The following STING1 variants were observed in gnomAD, a reference collection of about 807,000 sequenced individuals.
The protein encoded by STING1 is stimulator of interferon genes protein.
In STING1, 19 loss-of-function variants were observed where a neutral mutation model predicts 31.6. The ratio of observed to expected loss-of-function variants is 0.60; its 90% confidence interval spans 0.42 to 0.88. The LOEUF is 0.88. STING1 is among the 40% of genes least tolerant of loss of function. The probability of loss-of-function intolerance (pLI) is 0.00; values close to 1 mark genes in which losing one functional copy is unlikely to be tolerated. For missense variants in STING1, 371 were observed against 483.7 expected (o/e 0.77, Z 2.19); for synonymous variants, 200 against 208.6 (o/e 0.96, Z 0.35).
chr5:139,478,002 T>C (rs1240615155), intron 6 of STING1, among the ~76,000 whole-genome samples: 1 of 152,206 alleles, frequency 6.6e-6, no homozygotes, highest in Non-Finnish European at 1.5e-5. Context: ...AAAGTGGGAA[T>C]GCTAACAGTC....
chr5:139,478,124 A>G lies in STING1; in HGVS notation c.759+146T>C, dbSNP rs1039543313. ...TAAATGTTACTCATCATTATCATTC[A>G]GAGCTGAATCCTGCCCAGACCTGGG... On this transcript the variant is annotated intron_variant, in intron 6 of 7. Transcript: ENST00000330794. The G allele has an allele frequency of 5.9e-6, 4 of 677,132 alleles. No homozygotes were observed. In the African/African-American group the frequency reaches 7.1e-5, roughly 12 times the overall value. The allele number at this position is 677,132 out of a possible 1,614,324, so 41.9% of individuals were successfully genotyped here. A position where few individuals can be genotyped will look rare whatever the true frequency, so the allele number is the denominator to read the frequency against.
At position 139,475,951 on chromosome 5, in the gene STING1, C is replaced by CA. The variant is rs1415709006; in HGVS notation, c.*309dup. The CA allele has an allele frequency of 8.4e-6, 2 of 237,564 alleles. No homozygotes were observed. The highest frequency in any genetic ancestry group is 4.5e-5 in the African/African-American group (2 of 44,914). The allele number at this position is 237,564 out of a possible 1,614,324, so 14.7% of individuals were successfully genotyped here. Reference sequence around the variant, plus strand: ...GGAAGGCCCCATGAAAGACACCTGGCACACCCCCTAAGTACACTAGCATCC... The same window carrying CA: ...GGAAGGCCCCATGAAAGACACCTGGCAACACCCCCTAAGTACACTAGCATCC... On this transcript the variant is annotated 3_prime_UTR_variant, in exon 8 of 8. Transcript: ENST00000330794.
rs1372817633 is a variant in STING1 at position 139,481,430 on chromosome 5, G to GAGTGAC, written c.227+42_227+47dup. The GAGTGAC allele has an allele frequency of 1.3e-6, 2 of 1,599,290 alleles. No individual in the cohort carries two copies. The highest frequency in any genetic ancestry group is 1.7e-6 in the Non-Finnish European group (2 of 1,170,262). The stretch of plus-strand genomic sequence containing the variant: ...GGAGGGGCAGGGCTAGGCATCAAGG[G>GAGTGAC]AGTGACACACGTTGGATACCCCGTC... On this transcript the variant is annotated intron_variant, in intron 3 of 7. Coordinates refer to ENST00000330794, the MANE Select transcript of STING1 (RefSeq NM_198282.4). The surrounding 1 kb of genome is among the most constrained non-coding windows in gnomAD (Gnocchi z 4.1).
Position 139,481,825 on chromosome 5 carries a change from G to A in STING1, c.1-121C>T. The A allele has an allele frequency of 1.2e-6, 1 of 810,138 alleles. No homozygotes were observed. The highest frequency in any genetic ancestry group is 2.7e-5 in the East Asian group (1 of 36,958). The allele number at this position is 810,138 out of a possible 1,614,324, so 50.2% of individuals were successfully genotyped here. A position where few individuals can be genotyped will look rare whatever the true frequency, so the allele number is the denominator to read the frequency against. On this transcript the variant is annotated intron_variant, in intron 2 of 7. Transcript: ENST00000330794. This position sits in a 1 kb window ranked among gnomAD's most constrained non-coding sequence, Gnocchi z 4.1. ...TCCCTGGTGCCCAGCCACTCCCAGA[G>A]GCTGCTCTTAGAGACACCTCTAGGA... is the stretch of plus-strand genomic sequence containing the variant.
rs1282451703 is a variant in STING1 at position 139,481,696 on chromosome 5, G to A, written c.9C>T (p.His3=). MP[H]SSLHPSIPCP... The stretch of plus-strand genomic sequence containing the variant: ...ACGGGATGGATGGATGCAGGCTGGA[G>A]TGGGGCATCTGTGGGCACCAAGAAA... The change falls in exon 3 of 8, where the codon CAC becomes CAT. Residue 3 remains histidine (H), a synonymous_variant. Coordinates refer to ENST00000330794, the MANE Select transcript of STING1 (RefSeq NM_198282.4). This position sits in a 1 kb window ranked among gnomAD's most constrained non-coding sequence, Gnocchi z 4.1. 2 of 1,599,832 alleles carry A rather than the reference G, an allele frequency of 1.3e-6. No homozygotes were observed. The highest frequency in any genetic ancestry group is 1.1e-5 in the South Asian group (1 of 90,808).
In STING1 at chr5:139,476,069, C is replaced by T. The variant is rs901458440; in HGVS notation, c.*192G>A. The T allele has an allele frequency of 4.3e-5, 24 of 558,138 alleles. No individual in the cohort carries two copies. Among genetic ancestry groups the T allele is most frequent in the Admixed American group, 1.2e-4 (4 of 33,236 alleles). The allele number at this position is 558,138 out of a possible 1,614,324, so 34.6% of individuals were successfully genotyped here. ...ATGATCCCATTTCACAGGTTGAAGA[C>T]ACCGAGGCTCAGAGAGGGGAAATGA... On this transcript the variant is annotated 3_prime_UTR_variant, in exon 8 of 8. Coordinates refer to ENST00000330794, the MANE Select transcript of STING1 (RefSeq NM_198282.4).
At position 139,478,376 on chromosome 5, in the gene STING1, T is replaced by C. The variant is rs769013090; in HGVS notation, c.653A>G (p.Asn218Ser). 30 of 1,614,094 alleles carry C rather than the reference T, an allele frequency of 1.9e-5. No individual in the cohort carries two copies. The highest frequency in any genetic ancestry group is 2.5e-5 in the Non-Finnish European group (29 of 1,180,040). The stretch of plus-strand genomic sequence containing the variant: ...GGGCAGTTTATCCAGGAAGCGAATG[T>C]TGGGGTCAGCCATACTCAGGTTATC... ...VPDNLSMADP[N>S]IRFLDKLPQQ... is the part of the protein sequence containing the mutation. The change falls in exon 6 of 8, where the codon AAC (asparagine) becomes AGC (serine). Residue 218 changes from asparagine to serine, a missense_variant. Asn to Ser is a conservative substitution (Grantham distance 46). Transcript: ENST00000330794.
Position 139,481,641 on chromosome 5 carries a change from C to T in STING1, c.64G>A (p.Ala22Thr). 6.2e-7 allele frequency: 1 copy of T among 1,612,502 alleles called. No homozygotes were observed. Among genetic ancestry groups the T allele is most frequent in the Admixed American group, 1.7e-5 (1 of 59,988 alleles). The change falls in exon 3 of 8, where the codon GCC becomes ACC. Residue 22 changes from alanine to threonine, a missense_variant. Physicochemically the swap from Ala to Thr is moderately conservative, Grantham distance 58. Transcript: ENST00000330794. The surrounding 1 kb of genome is among the most constrained non-coding windows in gnomAD (Gnocchi z 4.1). ...AGGCAGGCACTCAGCAGAACCAAGG[C>T]TGCCTTCTGGGCCCCGTGACCCCTG... is the stretch of plus-strand genomic sequence containing the variant. Reference protein sequence around the residue: ...CPRGHGAQKAALVLLSACLVT... With the variant: ...CPRGHGAQKATLVLLSACLVT...
intron 5 of STING1, 120 bp from the exon 6 acceptor site, chr5:139,478,628 G>T: frequency 1.2e-6 from 1 of 869,088 alleles, no homozygotes; most frequent in Non-Finnish European, 1.9e-6. Flanking sequence ...AGAGTCCAGT[G>T]CACTCTCATT....
intron 7 of STING1, 148 bp downstream of exon 7, chr5:139,477,181 G>T: frequency 1.2e-6 from 1 of 829,722 alleles, no homozygotes; most frequent in Non-Finnish European, 1.9e-6. Context: ...AATCTGGTGT[G>T]CTGGGAAGAG....
In STING1 at chr5:139,478,431, T is replaced by C; in HGVS notation, c.598A>G (p.Ile200Val). The C allele has an allele frequency of 6.2e-7, 1 of 1,614,174 alleles. No homozygotes were observed. ...ACCCCACAGTCCAATGGGAGGAGAA[T>C]ATACAGCCGCTGGCTCACTGCACCC... ...LRGAVSQRLY[I>V]LLPLDCGVPD... Residue 200 changes from isoleucine to valine, a missense_variant, in exon 6 of 8, where the codon ATT becomes GTT. Coordinates refer to ENST00000330794, the MANE Select transcript of STING1 (RefSeq NM_198282.4).
At chr5:139,478,597 T>A (rs554059791) in intron 5 of STING1, 89 bp from the exon 6 acceptor site, 3 of 1,133,332 alleles carry the variant, frequency 2.6e-6, no homozygotes, top group Non-Finnish European at 2.6e-6. Flanking sequence ...GCCCCCGCAG[T>A]GTGTGGGTGC....
At position 139,481,061 on chromosome 5, in the gene STING1, C is replaced by A. The variant is rs1325148525; in HGVS notation, c.411+98G>T. 8 of 1,347,900 alleles carry A rather than the reference C, an allele frequency of 5.9e-6. No individual in the cohort carries two copies. Among genetic ancestry groups the A allele is most frequent in the South Asian group, 2.4e-5 (2 of 83,532 alleles). The allele number at this position is 1,347,900 out of a possible 1,614,324, so 83.5% of individuals were successfully genotyped here. A position where few individuals can be genotyped will look rare whatever the true frequency, so the allele number is the denominator to read the frequency against. On this transcript the variant is annotated intron_variant, in intron 4 of 7. Coordinates refer to ENST00000330794, the MANE Select transcript of STING1 (RefSeq NM_198282.4). The surrounding 1 kb of genome is among the most constrained non-coding windows in gnomAD (Gnocchi z 4.1). The stretch of plus-strand genomic sequence containing the variant: ...ATAGGTTCTACTCCATGGACTCCAG[C>A]CTTTAAACCAGTCCCACTCCCAGTA...
At chr5:139,476,853 C>T (rs915532431) in intron 7 of STING1, among the ~76,000 whole-genome samples, 27 of 145,742 alleles carry the variant, frequency 1.9e-4, no homozygotes, top group Non-Finnish European at 3.9e-4. Context: ...TGCAGTGACC[C>T]GAAATCGAGC....
intron 5 of STING1, chr5:139,479,012 TGAGGTC>T (rs1396662488): frequency 6.4e-6 from 1 of 156,674 alleles, no homozygotes; most frequent in Non-Finnish European, 1.4e-5. Context: ...GTGGATCATT[TGAGGTC>T]AGGAGTTTGA....
At chr5:139,479,848 C>CAAAAAAAA (rs1168023127) in intron 5 of STING1, among the ~76,000 whole-genome samples, 36 of 34,918 alleles carry the variant, frequency 1.0e-3, no homozygotes, top group Non-Finnish European at 1.3e-3. Context: ...ACTAAAAATA[C>CAAAAAAAA]AAAAAAAAAA....
Position 139,481,077 on chromosome 5 carries a change from A to G in STING1, c.411+82T>C. Reference sequence around the variant, plus strand: ...GGACTCCAGCCTTTAAACCAGTCCCACTCCCAGTACTCAGCTCAGGGCAGG... The same window carrying G: ...GGACTCCAGCCTTTAAACCAGTCCCGCTCCCAGTACTCAGCTCAGGGCAGG... On this transcript the variant is annotated intron_variant, in intron 4 of 7. Transcript: ENST00000330794. This position sits in a 1 kb window ranked among gnomAD's most constrained non-coding sequence, Gnocchi z 4.1. The G allele has an allele frequency of 7.0e-7, 1 of 1,427,696 alleles. No homozygotes were observed. The highest frequency in any genetic ancestry group is 9.9e-7 in the Non-Finnish European group (1 of 1,014,410). 88.4% of individuals were successfully genotyped at this position (1,427,696 alleles called of 1,614,324 possible).
chr5:139,479,233 A>AAACAACAACAACAAC (rs79292081), intron 5 of STING1: 3 of 147,474 alleles, frequency 2.0e-5, no homozygotes, highest in Admixed American at 1.4e-4. Flanking sequence ...CTTCATCTCA[A>AAACAACAACAACAAC]AACAACAACA....
chr5:139,481,922 A>G lies in STING1; in HGVS notation c.1-218T>C, dbSNP rs1581455526. ...TTGCTGAAAACAGAGCAGGGCCTGCACATACACGCCCCACCAAGACCCAGG... is the reference window on the plus strand; with the variant it reads ...TTGCTGAAAACAGAGCAGGGCCTGCGCATACACGCCCCACCAAGACCCAGG... On this transcript the variant is annotated intron_variant, in intron 2 of 7. Coordinates refer to ENST00000330794, the MANE Select transcript of STING1 (RefSeq NM_198282.4). This position sits in a 1 kb window ranked among gnomAD's most constrained non-coding sequence, Gnocchi z 4.1. 1.8e-5 allele frequency: 10 copies of G among 552,808 alleles called. No homozygotes were observed. In the East Asian group the frequency reaches 2.9e-4, roughly 16 times the overall value. The allele number at this position is 552,808 out of a possible 1,614,324, so 34.2% of individuals were successfully genotyped here. A position where few individuals can be genotyped will look rare whatever the true frequency, so the allele number is the denominator to read the frequency against.
Sources: gnomAD v4.1 joint callset for allele counts (sites outside exome capture counted in the v4.1 genomes callset) on GRCh38, gnomAD v4.1.1 for gene constraint, Gnocchi (gnomAD v3.1) non-coding constraint, MANE v1.5 for transcripts, NCBI Gene and HGNC (gene_info 2026-07-23, HGNC 2026-07-21) for gene names.